The following GRB2 variants were observed in gnomAD, a reference collection of about 807,000 sequenced individuals.
The protein encoded by GRB2 is growth factor receptor bound protein 2.
GRB2 carries 2 observed loss-of-function variants against 27.4 expected under a neutral mutation model. The observed-to-expected ratio is 0.07, with a 90% CI of 0.03 to 0.23. GRB2 has a LOEUF of 0.23. Ranked by LOEUF, GRB2 falls within the 10% of genes least tolerant of loss-of-function variation. The pLI is 1.00. For synonymous variants in GRB2, 94 were observed against 99.6 expected (o/e 0.94, Z 0.33); for missense variants, 102 against 282.4 (o/e 0.36, Z 4.58).
intron 2 of GRB2, among the ~76,000 whole-genome samples, chr17:75,388,589 G>A (rs937176506): frequency 1.4e-5 from 2 of 145,196 alleles, no homozygotes; most frequent in African/African-American, 2.5e-5. Flanking sequence ...ATAGTGGGGG[G>A]GGGGAAGAAA....
At chr17:75,351,339 G>C (rs1237539559) in intron 2 of GRB2, among the ~76,000 whole-genome samples, 1 of 152,066 alleles carries the variant, frequency 6.6e-6, no homozygotes, top group African/African-American at 2.4e-5. Flanking sequence ...GCTTCTCAAA[G>C]TGAAAAAATT....
Position 75,328,710 on chromosome 17 carries a change from G to A in GRB2, c.177-2690C>T, listed in dbSNP as rs757212274. 9.2e-5 allele frequency among the ~76,000 whole-genome samples: 14 copies of A among 151,992 alleles called. 1 individual carries two copies. The highest frequency in any genetic ancestry group is 1.5e-4 in the Non-Finnish European group (10 of 68,004). On this transcript the variant is annotated intron_variant, in intron 3 of 5. Coordinates refer to ENST00000316804, the MANE Select transcript of GRB2 (RefSeq NM_002086.5). ...TCCCAGCACTTTGGGAGGCCGAGGC[G>A]GGCGGGTCACAAAGTCAGGAGATCG...
intron 2 of GRB2, among the ~76,000 whole-genome samples, chr17:75,386,502 T>C (rs550416759): frequency 3.9e-5 from 6 of 152,276 alleles, no homozygotes; most frequent in South Asian, 2.1e-4. Context: ...AAAGACAATA[T>C]TGGTAAAAAT....
intron 2 of GRB2, among the ~76,000 whole-genome samples, chr17:75,350,859 C>T (rs2078687691): frequency 6.6e-6 from 1 of 152,060 alleles, no homozygotes; most frequent in South Asian, 2.1e-4. Flanking sequence ...TGGGGACGGG[C>T]ATTGAGGACA....
Position 75,393,695 on chromosome 17 carries a change from C to T in GRB2, c.-67G>A. 7.7e-7 allele frequency: 1 copy of T among 1,298,744 alleles called. No homozygotes were observed. Among genetic ancestry groups the T allele is most frequent in the Non-Finnish European group, 1.1e-6 (1 of 895,566 alleles). The allele number at this position is 1,298,744 out of a possible 1,614,324, so 80.5% of individuals were successfully genotyped here. ...AGGGAGTCTTCCCTGCTGAAGCAACCCAGCGCTCTGGGCTTAGCCTCGCCT... is the reference window on the plus strand; with the variant it reads ...AGGGAGTCTTCCCTGCTGAAGCAACTCAGCGCTCTGGGCTTAGCCTCGCCT... On this transcript the variant is annotated 5_prime_UTR_variant, in exon 2 of 6. Coordinates refer to ENST00000316804, the MANE Select transcript of GRB2 (RefSeq NM_002086.5).
intron 2 of GRB2, among the ~76,000 whole-genome samples, chr17:75,333,201 G>A (rs1039912049): frequency 4.6e-5 from 7 of 152,034 alleles, no homozygotes; most frequent in Admixed American, 2.6e-4. Context: ...ACAGCCTCCC[G>A]AGTAGCTGGG....
chr17:75,342,191 T>A (rs1168922338), intron 2 of GRB2, among the ~76,000 whole-genome samples: 1 of 152,218 alleles, frequency 6.6e-6, no homozygotes, highest in Non-Finnish European at 1.5e-5. Context: ...CCTTATGGTA[T>A]CTGGTCTATC....
At position 75,318,416 on chromosome 17, in the gene GRB2, C is replaced by T. The variant is rs2078431255; in HGVS notation, c.*1952G>A. 1 of 152,212 alleles carries T rather than the reference C, an allele frequency of 6.6e-6. No homozygotes were observed. The highest frequency in any genetic ancestry group is 2.4e-5 in the African/African-American group (1 of 41,452). 9.4% of individuals were successfully genotyped at this position (152,212 alleles called of 1,614,324 possible). On this transcript the variant is annotated 3_prime_UTR_variant, in exon 6 of 6. Coordinates refer to ENST00000316804, the MANE Select transcript of GRB2 (RefSeq NM_002086.5). ...CTCCAGGCCTGGGCCCTGTTCATAT[C>T]TGGAGTCGGAGGGAGACTCCCATCG...
At chr17:75,382,577 T>C (rs1242383636) in intron 2 of GRB2, among the ~76,000 whole-genome samples, 1 of 152,232 alleles carries the variant, frequency 6.6e-6, no homozygotes, top group Non-Finnish European at 1.5e-5. Flanking sequence ...ATACTCAATA[T>C]GTAGTTCTTT....
intron 2 of GRB2, among the ~76,000 whole-genome samples, chr17:75,368,161 C>T (rs1053679660): frequency 2.6e-5 from 4 of 151,364 alleles, no homozygotes; most frequent in Non-Finnish European, 5.9e-5. Context: ...GTGATCCACT[C>T]GCCTTGGCCT....
At chr17:75,382,415 G>C (rs2078935134) in intron 2 of GRB2, among the ~76,000 whole-genome samples, 1 of 152,142 alleles carries the variant, frequency 6.6e-6, no homozygotes, top group African/African-American at 2.4e-5. Flanking sequence ...AGCGACCAGA[G>C]GCATTTCAAG....
intron 2 of GRB2, among the ~76,000 whole-genome samples, chr17:75,349,130 A>G (rs1265662359): frequency 6.6e-6 from 1 of 152,244 alleles, no homozygotes; most frequent in Non-Finnish European, 1.5e-5. Flanking sequence ...TATAGTAAGC[A>G]AAGTAATTTT....
At chr17:75,370,467 C>T (rs548208398) in intron 2 of GRB2, among the ~76,000 whole-genome samples, 178 of 152,300 alleles carry the variant, frequency 1.2e-3, no homozygotes, top group Middle Eastern at 3.4e-3. Flanking sequence ...ATGTTTGGCA[C>T]CACAAAGCAT....
intron 2 of GRB2, among the ~76,000 whole-genome samples, chr17:75,377,597 GAAAAAAAAAAAAA>G (rs60003550): frequency 1.9e-4 from 10 of 53,188 alleles, no homozygotes; most frequent in African/African-American, 7.2e-4. Context: ...CCCTGTCTCA[GAAAAAAAAAAAAA>G]AAAAAAAAAA....
intron 2 of GRB2, among the ~76,000 whole-genome samples, chr17:75,352,626 G>A (rs1281264370): frequency 2.0e-5 from 3 of 152,146 alleles, no homozygotes; most frequent in Non-Finnish European, 4.4e-5. Context: ...GGAGAAAAGC[G>A]ATCAGACATA....
At chr17:75,385,076 C>CAAACAAACA (rs71161206) in intron 2 of GRB2, among the ~76,000 whole-genome samples, 45 of 77,198 alleles carry the variant, frequency 5.8e-4, no homozygotes, top group Middle Eastern at 6.9e-3. Flanking sequence ...AACAAACAAA[C>CAAACAAACA]AAAAAAACCC....
chr17:75,331,712 A>G (rs61764605), intron 3 of GRB2, among the ~76,000 whole-genome samples: 138 of 152,302 alleles, frequency 9.1e-4, no homozygotes, highest in African/African-American at 3.1e-3. Flanking sequence ...GAAAATTTTT[A>G]CAAGGAATAT....
Position 75,389,613 on chromosome 17 carries a change from G to A in GRB2, c.78+3938C>T, listed in dbSNP as rs369655118. 6.6e-5 allele frequency among the ~76,000 whole-genome samples: 10 copies of A among 152,242 alleles called. No individual in the cohort carries two copies. In the East Asian group the frequency reaches 1.5e-3, roughly 24 times the overall value. The stretch of plus-strand genomic sequence containing the variant: ...TGTAATCCCAGCACTTTGGGAGGCC[G>A]AGACGGGCGGATCACCAGGTCAGGA... On this transcript the variant is annotated intron_variant, in intron 2 of 5. Coordinates refer to ENST00000316804, the MANE Select transcript of GRB2 (RefSeq NM_002086.5).
intron 2 of GRB2, among the ~76,000 whole-genome samples, chr17:75,354,485 G>A (rs1168266128): frequency 6.6e-6 from 1 of 152,038 alleles, no homozygotes; most frequent in Non-Finnish European, 1.5e-5. Flanking sequence ...CTTCTCGTAG[G>A]AACACAAACC....
Sources: gnomAD v4.1 joint callset for allele counts (sites outside exome capture counted in the v4.1 genomes callset) on GRCh38, gnomAD v4.1.1 for gene constraint, MANE v1.5 for transcripts, NCBI Gene and HGNC (gene_info 2026-07-23, HGNC 2026-07-21) for gene names.